The following BRWD3 variants were observed in gnomAD, a reference collection of about 807,000 sequenced individuals.
BRWD3 encodes bromodomain and WD repeat-containing protein 3.
In BRWD3, 10 loss-of-function variants were observed where a neutral mutation model predicts 149.7. The observed-to-expected ratio is 0.07, with a 90% confidence interval of 0.04 to 0.11. The LOEUF (loss-of-function observed/expected upper bound fraction) is 0.11. BRWD3 is among the 10% of genes least tolerant of loss of function. BRWD3 has a pLI of 1.00. For synonymous variants in BRWD3, 504 were observed against 456.7 expected, an observed-to-expected ratio of 1.10 and a Z score of -1.32; for missense variants, 940 against 1,373.2, an observed-to-expected ratio of 0.68 and a Z score of 4.99.
At chrX:80,733,152 T>C (rs1326859564) in intron 12 of BRWD3, 1 of 170,322 alleles carries the variant, frequency 5.9e-6, no homozygotes, top group Non-Finnish European at 1.1e-5. Flanking sequence ...AAAAGAACAA[T>C]GTTACACTGG....
At chrX:80,729,306 G>A (rs1042900059) in intron 13 of BRWD3, among the ~76,000 whole-genome samples, 1 of 111,408 alleles carries the variant, frequency 9.0e-6, no homozygotes, top group Admixed American at 9.6e-5. Flanking sequence ...AGCAGATTTA[G>A]TACCATTTTT....
At chrX:80,740,932 T>C (rs145769170) in intron 8 of BRWD3, among the ~76,000 whole-genome samples, 315 of 111,674 alleles carry the variant, frequency 2.8e-3, no homozygotes, top group African/African-American at 9.8e-3. Flanking sequence ...AATTATACTT[T>C]AAGTTTTAGA....
chrX:80,749,608 T>C (rs1255855545), intron 6 of BRWD3, among the ~76,000 whole-genome samples: 1 of 111,353 alleles, frequency 9.0e-6, no homozygotes, highest in Non-Finnish European at 1.9e-5. Flanking sequence ...AGGCAGCATA[T>C]TATTGGGTCA....
chrX:80,694,322 G>A (rs1387200732), intron 27 of BRWD3, among the ~76,000 whole-genome samples: 1 of 111,966 alleles, frequency 8.9e-6, no homozygotes, highest in Non-Finnish European at 1.9e-5. Context: ...TGCTGCCGGG[G>A]CAGAGCCCTC....
intron 6 of BRWD3, among the ~76,000 whole-genome samples, chrX:80,764,543 G>T (rs776525446): frequency 9.2e-6 from 1 of 108,481 alleles, no homozygotes; most frequent in African/African-American, 3.4e-5. Context: ...TCGATCTCCT[G>T]ACCTCGTGAT....
At position 80,713,624 on chromosome X, in the gene BRWD3, C is replaced by T. The variant is rs186514559; in HGVS notation, c.2325+2533G>A. Among the ~76,000 whole-genome samples the T allele has an allele frequency of 1.0e-4, 11 of 109,998 alleles. No homozygotes were observed. In the East Asian group the frequency reaches 2.9e-3, roughly 29 times the overall value. On this transcript the variant is annotated intron_variant, in intron 20 of 40. Transcript: ENST00000373275. ...TCACTTGTTTATCTGCTGACCTTCC[C>T]TCCACTATTGTCCTATGACCCTGCC...
chrX:80,699,011 C>T (rs1029365663), intron 25 of BRWD3, among the ~76,000 whole-genome samples: 1 of 110,173 alleles, frequency 9.1e-6, no homozygotes, highest in African/African-American at 3.3e-5. Flanking sequence ...GTCAGGACTT[C>T]GAGACTAGCC....
chrX:80,707,644 G>T, intron 21 of BRWD3, 141 bp from the exon 22 acceptor site: 1 of 533,528 alleles, frequency 1.9e-6, no homozygotes, highest in Non-Finnish European at 3.2e-6. Flanking sequence ...CATAATTATT[G>T]TTCTAAGTAT....
At chrX:80,786,307 T>C (rs1244180894) in intron 6 of BRWD3, among the ~76,000 whole-genome samples, 5 of 111,531 alleles carry the variant, frequency 4.5e-5, no homozygotes, top group African/African-American at 9.8e-5. Flanking sequence ...CCTGAAAAAT[T>C]ACTGATATAA....
chrX:80,696,569 T>C (rs1471826377), intron 26 of BRWD3, among the ~76,000 whole-genome samples, 170 bp downstream of exon 26: 2 of 98,422 alleles, frequency 2.0e-5, no homozygotes, highest in African/African-American at 7.5e-5. Flanking sequence ...CACACAAATA[T>C]AAATAAAACG....
chrX:80,780,401 A>C (rs1341755330), intron 6 of BRWD3, among the ~76,000 whole-genome samples: 1 of 111,663 alleles, frequency 9.0e-6, no homozygotes, highest in Non-Finnish European at 1.9e-5. Flanking sequence ...TTCATTTTTT[A>C]AAAAGATACT....
chrX:80,792,045 T>G, intron 5 of BRWD3, 93 bp from the exon 6 acceptor site: 1 of 563,116 alleles, frequency 1.8e-6, no homozygotes, highest in Non-Finnish European at 2.9e-6. Context: ...TTTAATTTGT[T>G]GGAATACATT....
chrX:80,776,125 T>G (rs1444577753), intron 6 of BRWD3, among the ~76,000 whole-genome samples: 1 of 112,015 alleles, frequency 8.9e-6, no homozygotes, highest in Non-Finnish European at 1.9e-5. Context: ...AAGAAATAAT[T>G]TAACAGCAAA....
intron 8 of BRWD3, among the ~76,000 whole-genome samples, chrX:80,737,994 C>T (rs948482095): frequency 1.8e-5 from 2 of 112,592 alleles, no homozygotes; most frequent in African/African-American, 6.5e-5. Context: ...GGGAACAGAG[C>T]TGAGCAGTTG....
chrX:80,743,387 A>G (rs998206079), intron 8 of BRWD3, among the ~76,000 whole-genome samples: 1 of 111,524 alleles, frequency 9.0e-6, no homozygotes, highest in Admixed American at 9.6e-5. Flanking sequence ...ACAGGCTTTG[A>G]TATCAGGATG....
At chrX:80,767,677 A>G (rs2073881329) in intron 6 of BRWD3, among the ~76,000 whole-genome samples, 1 of 111,610 alleles carries the variant, frequency 9.0e-6, no homozygotes, top group Non-Finnish European at 1.9e-5. Flanking sequence ...TTCTCCTCCA[A>G]AGGATTGCAG....
chrX:80,780,773 T>C (rs1348657196), intron 6 of BRWD3, among the ~76,000 whole-genome samples: 1 of 111,881 alleles, frequency 8.9e-6, no homozygotes, highest in Non-Finnish European at 1.9e-5. Flanking sequence ...AAGCAAAACC[T>C]AGCAAAAGTA....
chrX:80,792,983 G>T (rs2074197393), intron 5 of BRWD3, among the ~76,000 whole-genome samples: 1 of 108,362 alleles, frequency 9.2e-6, no homozygotes, highest in Admixed American at 1.0e-4. Context: ...CCAACATGGT[G>T]AAACCCTGTC....
At chrX:80,796,136 T>G (rs1024956177) in intron 4 of BRWD3, among the ~76,000 whole-genome samples, 2 of 108,980 alleles carry the variant, frequency 1.8e-5, no homozygotes, top group African/African-American at 6.7e-5. Context: ...TGTTTTTGTT[T>G]TTTTTTTTTT....
Sources: gnomAD v4.1 joint callset for allele counts (sites outside exome capture counted in the v4.1 genomes callset) on GRCh38, gnomAD v4.1.1 for gene constraint, MANE v1.5 for transcripts, NCBI Gene and HGNC (gene_info 2026-07-23, HGNC 2026-07-21) for gene names.